CDH23: variants seen among roughly 807,000 people sequenced by gnomAD.
The protein encoded by CDH23 is cadherin related 23.
Under a neutral mutation model 317.1 loss-of-function variants are expected in CDH23, and 189 were observed. That is an observed-to-expected ratio of 0.60 (90% confidence interval 0.53 to 0.67). The LOEUF (loss-of-function observed/expected upper bound fraction) is 0.67, where lower values mean the gene tolerates loss of function less well. Ranked by LOEUF, CDH23 falls within the 30% of genes least tolerant of loss-of-function variation. The pLI is 0.00. For missense variants in CDH23, 4,401 were observed against 4,592.4 expected, an observed-to-expected ratio of 0.96 and a Z score of 1.20; for synonymous variants, 1,839 against 1,876.8, an observed-to-expected ratio of 0.98 and a Z score of 0.52.
Position 71,704,959 on chromosome 10 carries a change from C to G in CDH23, c.2782C>G (p.Arg928Gly). The G allele has an allele frequency of 1.9e-6, 3 of 1,612,916 alleles. No individual in the cohort carries two copies. The highest frequency in any genetic ancestry group is 8.5e-7 in the Non-Finnish European group (1 of 1,179,842). The change falls in exon 25 of 70, where the codon CGC (arginine) becomes GGC (glycine). Residue 928 changes from arginine (R) to glycine (G), a missense_variant. Transcript: ENST00000224721. ...GGGCCTGAACGGCCTGGTGTCCTACCGCATGCCGGTGGGCATGCCCCGCAT... is the reference window on the plus strand; with the variant it reads ...GGGCCTGAACGGCCTGGTGTCCTACGGCATGCCGGTGGGCATGCCCCGCAT... ...DEGLNGLVSY[R>G]MPVGMPRMDF...
chr10:71,748,971 CAGAGA>C (rs1839923483), intron 38 of CDH23: 1 of 152,660 alleles, frequency 6.6e-6, no homozygotes. Context: ...TAAAAGGGTC[CAGAGA>C]AGAGAGGGCA....
rs181318591 is a variant in CDH23, at chr10:71,573,934, C to T, written c.753+3016C>T. Among the ~76,000 whole-genome samples the T allele has an allele frequency of 7.2e-5, 11 of 152,342 alleles. No homozygotes were observed. The East Asian group carries it at 1.9e-3, about 27-fold the overall frequency. On this transcript the variant is annotated intron_variant, in intron 8 of 69. Coordinates refer to ENST00000224721, the MANE Select transcript of CDH23 (RefSeq NM_022124.6). ...CTTGCAGAGCCTCTCTCCTGCAGGC[C>T]GATTCCCTTGCACTGCCAGCCTGAT...
At chr10:71,658,612 T>C (rs552504900) in intron 14 of CDH23, among the ~76,000 whole-genome samples, 1 of 152,256 alleles carries the variant, frequency 6.6e-6, no homozygotes, top group East Asian at 1.9e-4. Flanking sequence ...CCAGGCCTGG[T>C]GAAGCAGTGG....
chr10:71,518,310 C>T (rs754308132), intron 6 of CDH23, among the ~76,000 whole-genome samples: 13 of 152,224 alleles, frequency 8.5e-5, no homozygotes, highest in Non-Finnish European at 1.8e-4. Flanking sequence ...CCTATGAACT[C>T]GTTCTCACCT....
At chr10:71,611,059 C>T (rs550116703) in intron 9 of CDH23, among the ~76,000 whole-genome samples, 6 of 139,250 alleles carry the variant, frequency 4.3e-5, no homozygotes, top group Middle Eastern at 7.2e-3. Context: ...CCCTGGTGAG[C>T]GCCCCCAGCC....
intron 36 of CDH23, among the ~76,000 whole-genome samples, 167 bp from the exon 37 acceptor site, chr10:71,740,655 G>A (rs1839708762): frequency 6.6e-6 from 1 of 151,948 alleles, no homozygotes; most frequent in Admixed American, 6.5e-5. Flanking sequence ...GGAGAGCCCA[G>A]GGCTGGCCGG....
chr10:71,708,037 G>A (rs979552828), intron 26 of CDH23, among the ~76,000 whole-genome samples: 5 of 152,196 alleles, frequency 3.3e-5, no homozygotes, highest in East Asian at 1.9e-4. Flanking sequence ...GCCCTAGGGA[G>A]GGCTTAGTTA....
chr10:71,760,076 TATATACACACAC>T lies in CDH23; in HGVS notation c.4846-17590_4846-17579del, dbSNP rs1423199418. On this transcript the variant is annotated intron_variant, in intron 38 of 69. Transcript: ENST00000224721. ...ACACATATATATACACACACACATA[TATATACACACAC>T]ATATACACACACACATACATACATA... Among the ~76,000 whole-genome samples the T allele has an allele frequency of 2.9e-5, 4 of 138,068 alleles. 2 individuals carry two copies. The highest frequency in any genetic ancestry group is 6.2e-5 in the Non-Finnish European group (4 of 64,678). The allele number at this position is 138,068 out of a possible 152,430, so 90.6% of individuals were successfully genotyped here.
chr10:71,501,811 T>G (rs1461484452), intron 3 of CDH23, among the ~76,000 whole-genome samples: 1 of 152,178 alleles, frequency 6.6e-6, no homozygotes, highest in African/African-American at 2.4e-5. Flanking sequence ...CAGGAGCCCC[T>G]GGCCCTGGCA....
In CDH23 at chr10:71,798,273, G is replaced by A. The variant is rs7068357; in HGVS notation, c.6830-81G>A. Reference sequence around the variant, plus strand: ...CTGTGGGATGCTGCCATGCTCACCCGGCTTGGCTGAGGCTAAGGAAGGCCT... The same window carrying A: ...CTGTGGGATGCTGCCATGCTCACCCAGCTTGGCTGAGGCTAAGGAAGGCCT... On this transcript the variant is annotated intron_variant, in intron 49 of 69. Coordinates refer to ENST00000224721, the MANE Select transcript of CDH23 (RefSeq NM_022124.6). 300,971 of 1,048,304 alleles carry A rather than the reference G, an allele frequency of 0.29. 46,080 individuals carry two copies. Among genetic ancestry groups the A allele is most frequent in the East Asian group, 0.57 (23,257 of 40,742 alleles). 64.9% of individuals were successfully genotyped at this position (1,048,304 alleles called of 1,614,324 possible). A position where few individuals can be genotyped will look rare whatever the true frequency, so the allele number is the denominator to read the frequency against.
Position 71,677,619 on chromosome 10 carries a change from A to G in CDH23, c.1678A>G (p.Thr560Ala), listed in dbSNP as rs767986806. Residue 560 changes from threonine (T) to alanine (A), a missense_variant, in exon 16 of 70, where the codon ACC (threonine) becomes GCC (alanine). By Grantham distance (58) the Thr-to-Ala change is moderately conservative. This residue lies in a region of CDH23 where 3,068 missense variants were observed against 3,203.3 expected (regional missense o/e 0.96). Transcript: ENST00000224721. ...GTTGGATGTCAACGACAACGTGCCC[A>G]CCTTCCAGAAGGATGCCTACGTGGG... Reference protein sequence around the residue: ...NVLDVNDNVPTFQKDAYVGAL... With the variant: ...NVLDVNDNVPAFQKDAYVGAL... The G allele has an allele frequency of 4.4e-6, 7 of 1,600,638 alleles. No individual in the cohort carries two copies. The highest frequency in any genetic ancestry group is 6.0e-6 in the Non-Finnish European group (7 of 1,174,094).
chr10:71,760,671 C>T (rs1227388380), intron 38 of CDH23: 2 of 596,196 alleles, frequency 3.4e-6, no homozygotes, highest in East Asian at 5.7e-5. Flanking sequence ...GACTCCAGAG[C>T]AGATGGAAGG....
At chr10:71,676,740 T>G (rs954012450) in intron 15 of CDH23, among the ~76,000 whole-genome samples, 1 of 152,216 alleles carries the variant, frequency 6.6e-6, no homozygotes, top group African/African-American at 2.4e-5. Flanking sequence ...CAGGGAGCCC[T>G]TTCCCCAGGG....
chr10:71,628,222 C>A (rs1342531303), intron 11 of CDH23, among the ~76,000 whole-genome samples: 1 of 152,236 alleles, frequency 6.6e-6, no homozygotes, highest in African/African-American at 2.4e-5. Context: ...GCTGTGGCAA[C>A]AGTGGGCCAC....
intron 3 of CDH23, among the ~76,000 whole-genome samples, chr10:71,458,186 A>G (rs1850793622): frequency 1.3e-5 from 2 of 152,198 alleles, no homozygotes; most frequent in African/African-American, 4.8e-5. Context: ...TGTGAGCCTG[A>G]CTGTCCAACA....
chr10:71,679,812 G>A (rs1011661362), intron 17 of CDH23, among the ~76,000 whole-genome samples: 9 of 152,206 alleles, frequency 5.9e-5, no homozygotes, highest in African/African-American at 1.9e-4. Flanking sequence ...AGGCAGGTCC[G>A]TGGGATGGAA....
In CDH23 at chr10:71,807,601, C is replaced by T; in HGVS notation, c.8394C>T (p.Ile2798=). 6.2e-7 allele frequency: 1 copy of T among 1,613,986 alleles called. No homozygotes were observed. The highest frequency in any genetic ancestry group is 8.5e-7 in the Non-Finnish European group (1 of 1,179,872). ...LRDLDREREA[I]FSFIVKASSN... is the part of the protein sequence containing the mutation. Reference sequence around the variant, plus strand: ...ACCTGGACCGGGAGCGAGAAGCCATCTTCTCCTTCATCGTCAAGGCCTCCA... The same window carrying T: ...ACCTGGACCGGGAGCGAGAAGCCATTTTCTCCTTCATCGTCAAGGCCTCCA... Residue 2798 remains isoleucine, a synonymous_variant, in exon 59 of 70, where the codon ATC becomes ATT. Coordinates refer to ENST00000224721, the MANE Select transcript of CDH23 (RefSeq NM_022124.6).
At chr10:71,738,055 C>T (rs1564767724) in intron 34 of CDH23, among the ~76,000 whole-genome samples, 1 of 152,216 alleles carries the variant, frequency 6.6e-6, no homozygotes, top group Non-Finnish European at 1.5e-5. Context: ...GGACAGCCCA[C>T]ACATAATATT....
intron 3 of CDH23, among the ~76,000 whole-genome samples, chr10:71,500,149 A>T: frequency 6.6e-6 from 1 of 152,214 alleles, no homozygotes; most frequent in South Asian, 2.1e-4. Context: ...AAGAAATGAT[A>T]AGTGTTTGAG....
Sources: allele counts gnomAD v4.1 joint callset (sites outside exome capture counted in the v4.1 genomes callset), GRCh38; gene constraint gnomAD v4.1.1; regional missense constraint gnomAD v4.1.1; transcripts MANE v1.5; gene names NCBI Gene and HGNC (gene_info 2026-07-23, HGNC 2026-07-21).